CFAP58: variants seen among roughly 807,000 people sequenced by gnomAD.
The protein encoded by CFAP58 is cilia and flagella associated protein 58, also known as cilia- and flagella-associated protein 58.
A neutral mutation model predicts 119.5 loss-of-function variants in CFAP58; 88 were observed. The observed-to-expected ratio is 0.74, with a 90% CI of 0.62 to 0.88. CFAP58 has a LOEUF of 0.88. CFAP58 is among the 40% of genes least tolerant of loss of function. The pLI is 0.00. For synonymous variants in CFAP58, 365 were observed against 366.3 expected (o/e 1.00, Z 0.04); for missense variants, 990 against 1,021.2 (o/e 0.97, Z 0.42).
At chr10:104,409,015 G>A (rs1230168856) in intron 15 of CFAP58, among the ~76,000 whole-genome samples, 1 of 152,054 alleles carries the variant, frequency 6.6e-6, no homozygotes, top group Non-Finnish European at 1.5e-5. Flanking sequence ...TGGGAGAATT[G>A]CTTGAGCCCA....
chr10:104,370,898 A>T lies in CFAP58; in HGVS notation c.934A>T (p.Lys312Ter), dbSNP rs2014813847. The change falls in exon 7 of 18, where the codon AAA becomes TAA. Residue 312 changes from lysine (K) to a stop codon, truncating the protein, a stop_gained. Coordinates refer to ENST00000369704, the MANE Select transcript of CFAP58 (RefSeq NM_001008723.2). LOFTEE classifies it high-confidence loss of function. ...AATTCTTTCTCACTAATTACAGGCC[A>T]AAGAGGAAGAAGTCCATCAAATGCG... ...NQQKALELKA[K>*]EEEVHQMRLD... is the part of the protein sequence containing the mutation. The T allele has an allele frequency of 1.2e-6, 2 of 1,611,070 alleles. No individual in the cohort carries two copies. Among genetic ancestry groups the T allele is most frequent in the Non-Finnish European group, 1.7e-6 (2 of 1,179,216 alleles).
At chr10:104,433,645 G>A (rs1360973664) in intron 15 of CFAP58, among the ~76,000 whole-genome samples, 1 of 152,180 alleles carries the variant, frequency 6.6e-6, no homozygotes, top group Admixed American at 6.5e-5. Flanking sequence ...ATCCCATGAT[G>A]TCATGATCCA....
intron 15 of CFAP58, among the ~76,000 whole-genome samples, chr10:104,416,162 G>A (rs1262772691): frequency 1.3e-5 from 2 of 152,214 alleles, no homozygotes; most frequent in East Asian, 1.9e-4. Flanking sequence ...TTCCCTTCAT[G>A]TGTGGAAGTA....
intron 2 of CFAP58, 151 bp downstream of exon 2, chr10:104,358,773 A>T: frequency 1.6e-6 from 1 of 636,458 alleles, no homozygotes; most frequent in Non-Finnish European, 2.5e-6. Flanking sequence ...GTTCATTTTC[A>T]AAGAAAATGA....
upstream of CFAP58, chr10:104,353,586 A>G (rs1411122031): frequency 2.5e-6 from 1 of 404,282 alleles, no homozygotes; most frequent in Non-Finnish European, 4.5e-6. Flanking sequence ...ACACCGTGGG[A>G]CTCCTCCCAG....
chr10:104,353,783 G>T (rs2014500805), upstream of CFAP58: 1 of 1,330,228 alleles, frequency 7.5e-7, no homozygotes, highest in Non-Finnish European at 1.0e-6. Flanking sequence ...GCGGGTTTCC[G>T]CTCGGGGCGG....
chr10:104,401,139 C>A (rs1319598048), intron 13 of CFAP58, among the ~76,000 whole-genome samples: 1 of 152,030 alleles, frequency 6.6e-6, no homozygotes, highest in East Asian at 1.9e-4. Context: ...AGGGCGAGTG[C>A]AAAAAGGTTT....
intron 1 of CFAP58, among the ~76,000 whole-genome samples, chr10:104,358,103 A>T (rs971287064): frequency 1.4e-5 from 2 of 138,726 alleles, no homozygotes; most frequent in African/African-American, 3.0e-5. Context: ...ATATATGTAC[A>T]TATATACACA....
intron 7 of CFAP58, among the ~76,000 whole-genome samples, chr10:104,375,229 C>CAAATATATATATAAATATATGTATTTAT (rs2014876366): frequency 6.7e-6 from 1 of 149,736 alleles, no homozygotes; most frequent in Non-Finnish European, 1.5e-5. Flanking sequence ...TGTGTATTTA[C>CAAATATATATATAAATATATGTATTTAT]AAATATATAT....
At position 104,374,832 on chromosome 10, in the gene CFAP58, A is replaced by G. The variant is rs2014868973; in HGVS notation, c.1091-1979A>G. 4.1e-5 allele frequency among the ~76,000 whole-genome samples: 6 copies of G among 147,104 alleles called. No individual in the cohort carries two copies. In the South Asian group the frequency reaches 1.3e-3, roughly 32 times the overall value. ...TATGAATAAGAACTTTCACAGGATTATTGCTTATAACTGCAAAAAAAAAAA... is the reference window on the plus strand; with the variant it reads ...TATGAATAAGAACTTTCACAGGATTGTTGCTTATAACTGCAAAAAAAAAAA... On this transcript the variant is annotated intron_variant, in intron 7 of 17. Transcript: ENST00000369704.
intron 6 of CFAP58, among the ~76,000 whole-genome samples, chr10:104,369,887 T>G (rs2135259984): frequency 6.6e-6 from 1 of 152,356 alleles, no homozygotes; most frequent in East Asian, 1.9e-4. Context: ...AAAGTGAATT[T>G]AATTAAAATT....
chr10:104,379,025 T>C (rs576947613), intron 8 of CFAP58, among the ~76,000 whole-genome samples: 1 of 152,330 alleles, frequency 6.6e-6, no homozygotes, highest in Non-Finnish European at 1.5e-5. Flanking sequence ...TTAATTGTTT[T>C]TGTTGTGGTT....
chr10:104,442,180 G>A (rs1414117395), intron 15 of CFAP58, among the ~76,000 whole-genome samples: 1 of 152,062 alleles, frequency 6.6e-6, no homozygotes, highest in Non-Finnish European at 1.5e-5. Context: ...AGGCAAAAAT[G>A]TATTGCCTTT....
intron 2 of CFAP58, among the ~76,000 whole-genome samples, chr10:104,360,310 G>A (rs2014648480): frequency 2.6e-5 from 4 of 152,134 alleles, no homozygotes. Flanking sequence ...AAGAAAAGAG[G>A]CTTAATTGGT....
chr10:104,437,433 C>A (rs759865441), intron 15 of CFAP58, among the ~76,000 whole-genome samples: 176 of 152,328 alleles, frequency 1.2e-3, no homozygotes, highest in Non-Finnish European at 1.8e-3. Flanking sequence ...ATATGACTAA[C>A]CCCTGCCCAT....
the CFAP58 span, among the ~76,000 whole-genome samples, chr10:104,345,682 C>T: frequency 1.3e-5 from 2 of 152,022 alleles, no homozygotes; most frequent in Non-Finnish European, 2.9e-5. Flanking sequence ...TCAGTCTTTC[C>T]AGCAGCACAG....
intron 9 of CFAP58, among the ~76,000 whole-genome samples, chr10:104,385,872 G>A (rs1395318641): frequency 2.0e-5 from 3 of 152,244 alleles, no homozygotes; most frequent in African/African-American, 7.2e-5. Flanking sequence ...GCCCTTTTGT[G>A]TGTGTGTTTC....
chr10:104,358,634 T>C lies in CFAP58; in HGVS notation c.291+12T>C. On this transcript the variant is annotated intron_variant, in intron 2 of 17. Coordinates refer to ENST00000369704, the MANE Select transcript of CFAP58 (RefSeq NM_001008723.2). ...CATCCCTAAAGAAGGTCAGTGATCT[T>C]CTAGAAATGGAATGAACCTGAATTT... 2 of 1,600,504 alleles carry C rather than the reference T, an allele frequency of 1.2e-6. No individual in the cohort carries two copies. The highest frequency in any genetic ancestry group is 2.7e-5 in the African/African-American group (2 of 74,454).
At chr10:104,454,344 C>T in intron 17 of CFAP58, 78 bp from the exon 18 acceptor site, 1 of 1,141,830 alleles carries the variant, frequency 8.8e-7, no homozygotes, top group Non-Finnish European at 1.3e-6. Flanking sequence ...CAGTGGCTAA[C>T]ACACCCTAGG....
Sources: gnomAD v4.1 joint callset for allele counts (sites outside exome capture counted in the v4.1 genomes callset) on GRCh38, gnomAD v4.1.1 for gene constraint, MANE v1.5 for transcripts, NCBI Gene and HGNC (gene_info 2026-07-23, HGNC 2026-07-21) for gene names.